Variants in ME3 observed in about 807,000 individuals in gnomAD.
ME3 encodes malic enzyme 3.
Under a neutral mutation model 68.9 loss-of-function variants are expected in ME3, and 48 were observed. The observed-to-expected ratio is 0.70, with a 90% CI of 0.55 to 0.89. The LOEUF is 0.89. Ranked by LOEUF, ME3 falls within the 40% of genes least tolerant of loss-of-function variation. The pLI is 0.00. For synonymous variants in ME3, 320 were observed against 318.8 expected (o/e 1.00, Z -0.04); for missense variants, 675 against 797.4 (o/e 0.85, Z 1.85).
intron 2 of ME3, among the ~76,000 whole-genome samples, chr11:86,573,825 G>C (rs950559778): frequency 6.6e-6 from 1 of 152,172 alleles, no homozygotes; most frequent in African/African-American, 2.4e-5. Context: ...AGTTTATTGA[G>C]AGCTTTTAAC....
chr11:86,533,989 G>A (rs1955459536), intron 4 of ME3, among the ~76,000 whole-genome samples: 1 of 151,722 alleles, frequency 6.6e-6, no homozygotes, highest in Non-Finnish European at 1.5e-5. Context: ...ACTGACTACT[G>A]TATGTAATTA....
chr11:86,482,036 G>T (rs934718333), intron 7 of ME3, among the ~76,000 whole-genome samples: 2 of 152,154 alleles, frequency 1.3e-5, no homozygotes, highest in African/African-American at 4.8e-5. Flanking sequence ...CCTAAAATTT[G>T]TTGAGCACTT....
chr11:86,585,979 C>T (rs140058095), intron 2 of ME3, among the ~76,000 whole-genome samples: 13 of 152,262 alleles, frequency 8.5e-5, no homozygotes, highest in East Asian at 3.9e-4. Context: ...TGACTGAAAA[C>T]GATCTACTGG....
chr11:86,564,445 T>G (rs1265821922), intron 2 of ME3, among the ~76,000 whole-genome samples: 1 of 121,794 alleles, frequency 8.2e-6, no homozygotes, highest in Non-Finnish European at 1.7e-5. Flanking sequence ...ACTTTGAAAC[T>G]TACTACAAAG....
intron 5 of ME3, among the ~76,000 whole-genome samples, chr11:86,501,771 T>C (rs554461903): frequency 2.6e-5 from 4 of 152,346 alleles, no homozygotes; most frequent in Admixed American, 1.3e-4. Flanking sequence ...CCACAGCCAA[T>C]TGGTCACCAA....
intron 2 of ME3, among the ~76,000 whole-genome samples, chr11:86,638,018 G>T (rs1270057566): frequency 7.0e-6 from 1 of 142,266 alleles, no homozygotes; most frequent in African/African-American, 2.9e-5. Flanking sequence ...AAGGAAGCAG[G>T]TTCTGTCTTT....
chr11:86,544,224 C>A (rs1163531087), intron 4 of ME3, among the ~76,000 whole-genome samples: 1 of 152,088 alleles, frequency 6.6e-6, no homozygotes, highest in Non-Finnish European at 1.5e-5. Context: ...AACTGACACC[C>A]TAACATCACA....
intron 4 of ME3, among the ~76,000 whole-genome samples, chr11:86,539,273 G>A (rs952501852): frequency 2.6e-4 from 40 of 152,158 alleles, no homozygotes; most frequent in African/African-American, 9.6e-4. Flanking sequence ...CAGAGATTCT[G>A]ATGGGCCATC....
At chr11:86,648,919 A>G (rs577883765) in intron 2 of ME3, among the ~76,000 whole-genome samples, 2 of 152,184 alleles carry the variant, frequency 1.3e-5, no homozygotes, top group Non-Finnish European at 2.9e-5. Context: ...ATTCCTTCTA[A>G]AACTATTCCA....
chr11:86,546,742 G>A (rs1235089845), intron 4 of ME3, among the ~76,000 whole-genome samples: 1 of 152,174 alleles, frequency 6.6e-6, no homozygotes, highest in East Asian at 1.9e-4. Flanking sequence ...TTCAACCATT[G>A]TGGAAGACAG....
exon 12 of ME3, chr11:86,447,098 C>G: frequency 6.2e-7 from 1 of 1,614,212 alleles, no homozygotes; most frequent in Non-Finnish European, 8.5e-7. Flanking sequence ...CAGCCGTGCA[C>G]TCGGCCTTGC....
At chr11:86,589,360 G>A (rs1958924309) in intron 2 of ME3, among the ~76,000 whole-genome samples, 1 of 151,768 alleles carries the variant, frequency 6.6e-6, no homozygotes, top group African/African-American at 2.4e-5. Context: ...GGAGGGAGAG[G>A]GAGAAAGAAA....
At chr11:86,649,666 A>G (rs1945268955) in intron 2 of ME3, among the ~76,000 whole-genome samples, 1 of 152,226 alleles carries the variant, frequency 6.6e-6, no homozygotes, top group East Asian at 1.9e-4. Flanking sequence ...CATATACACC[A>G]ATAATAGACA....
chr11:86,628,294 C>CCT (rs1175001021), intron 2 of ME3, among the ~76,000 whole-genome samples: 1 of 152,224 alleles, frequency 6.6e-6, no homozygotes, highest in Non-Finnish European at 1.5e-5. Flanking sequence ...CAGCCTCCTC[C>CCT]CAATACTTCG....
At chr11:86,655,276 G>T (rs1293973705) in intron 2 of ME3, among the ~76,000 whole-genome samples, 1 of 152,096 alleles carries the variant, frequency 6.6e-6, no homozygotes, top group Admixed American at 6.5e-5. Flanking sequence ...CCAAAAAAGA[G>T]CCTGCATCGC....
intron 4 of ME3, among the ~76,000 whole-genome samples, chr11:86,515,632 C>A (rs1053795295): frequency 1.3e-5 from 2 of 152,164 alleles, no homozygotes; most frequent in African/African-American, 4.8e-5. Context: ...CTAACCTCGT[C>A]CAGTCTGGTA....
At chr11:86,450,301 C>A (rs758772257) in exon 9 of ME3, 2 of 1,613,992 alleles carry the variant, frequency 1.2e-6, no homozygotes, top group Non-Finnish European at 8.5e-7. Flanking sequence ...TGCCACATAC[C>A]TCGCCTGCAC....
At chr11:86,583,580 A>C (rs1958566133) in intron 2 of ME3, among the ~76,000 whole-genome samples, 1 of 152,210 alleles carries the variant, frequency 6.6e-6, no homozygotes, top group South Asian at 2.1e-4. Flanking sequence ...ATTCGAAGAA[A>C]TACTACAAAG....
At chr11:86,661,335 A>G (rs986382039) in intron 2 of ME3, among the ~76,000 whole-genome samples, 1 of 152,256 alleles carries the variant, frequency 6.6e-6, no homozygotes, top group Non-Finnish European at 1.5e-5. Context: ...AAGCATGCCA[A>G]AGTTTTTAAG....
Sources: gnomAD v4.1 joint callset for allele counts (sites outside exome capture counted in the v4.1 genomes callset) on GRCh38, gnomAD v4.1.1 for gene constraint, MANE v1.5 for transcripts, NCBI Gene and HGNC (gene_info 2026-07-23, HGNC 2026-07-21) for gene names.